BAIAP2L1: variants seen among roughly 807,000 people sequenced by gnomAD.
The protein encoded by BAIAP2L1 is BAR/IMD domain containing adaptor protein 2 like 1, also known as BAR/IMD domain-containing adapter protein 2-like 1.
A neutral mutation model predicts 66.3 loss-of-function variants in BAIAP2L1; 35 were observed. The observed-to-expected ratio is 0.53, with a 90% CI of 0.40 to 0.70. The LOEUF is 0.70. Among genes scored for constraint, BAIAP2L1 ranks in the 30% least tolerant of loss-of-function variants. The probability of loss-of-function intolerance (pLI) is 0.00; values close to 1 mark genes in which losing one functional copy is unlikely to be tolerated. For synonymous variants in BAIAP2L1, 269 were observed against 248.7 expected (o/e 1.08, Z -0.77); for missense variants, 622 against 656.9 (o/e 0.95, Z 0.58).
chr7:98,361,076 G>C (rs893816904), intron 2 of BAIAP2L1, among the ~76,000 whole-genome samples: 10 of 152,126 alleles, frequency 6.6e-5, no homozygotes, highest in African/African-American at 2.4e-4. Context: ...AAGATAAGAG[G>C]CTGGGTGTGG....
intron 12 of BAIAP2L1, among the ~76,000 whole-genome samples, chr7:98,298,470 A>G (rs927895992): frequency 9.9e-5 from 15 of 152,074 alleles, no homozygotes; most frequent in Admixed American, 3.3e-4. Flanking sequence ...AAACTTAGCC[A>G]GGCGTAGTGG....
rs796448526 is a variant in BAIAP2L1 at position 98,353,565 on chromosome 7, TTAA to T, written c.214+1474_214+1476del. On this transcript the variant is annotated intron_variant, in intron 3 of 13. Coordinates refer to ENST00000005260, the MANE Select transcript of BAIAP2L1 (RefSeq NM_018842.5). ...TATTTATATTATAAATATATGTATATTAATATTATAAATACATATATATTTATA... is the reference window on the plus strand; with the variant it reads ...TATTTATATTATAAATATATGTATATTATTATAAATACATATATATTTATA... Among the ~76,000 whole-genome samples the T allele has an allele frequency of 5.0e-4, 69 of 137,600 alleles. No individual in the cohort carries two copies. The East Asian group carries it at 7.6e-3, about 15-fold the overall frequency. The allele number at this position is 137,600 out of a possible 152,430, so 90.3% of individuals were successfully genotyped here.
intron 2 of BAIAP2L1, among the ~76,000 whole-genome samples, chr7:98,358,287 C>T (rs530182807): frequency 6.7e-6 from 1 of 150,120 alleles, no homozygotes; most frequent in East Asian, 1.9e-4. Context: ...CATAATTTTG[C>T]CTCCCTTTTG....
At chr7:98,319,941 T>G in intron 5 of BAIAP2L1, 117 bp downstream of exon 5, 1 of 836,980 alleles carries the variant, frequency 1.2e-6, no homozygotes, top group Non-Finnish European at 1.9e-6. Context: ...CTGGGCATCA[T>G]CAACACGGAG....
At chr7:98,349,375 C>T (rs907850116) in intron 3 of BAIAP2L1, among the ~76,000 whole-genome samples, 28 of 152,162 alleles carry the variant, frequency 1.8e-4, no homozygotes, top group Admixed American at 1.5e-3. Context: ...ACTTCTAAGA[C>T]GGCACAAGAG....
At chr7:98,342,886 G>A (rs916732605) in intron 3 of BAIAP2L1, among the ~76,000 whole-genome samples, 16 of 152,080 alleles carry the variant, frequency 1.1e-4, no homozygotes, top group African/African-American at 3.9e-4. Flanking sequence ...GGAAGTTTAT[G>A]AAAATGTCAG....
At position 98,312,049 on chromosome 7, in the gene BAIAP2L1, A is replaced by G; in HGVS notation, c.807+48T>C. ...ACACAGGCAAATTTGGCCCAGATCA[A>G]GTTAGGAAACACACGATTGAAATCT... On this transcript the variant is annotated intron_variant, in intron 8 of 13. Coordinates refer to ENST00000005260, the MANE Select transcript of BAIAP2L1 (RefSeq NM_018842.5). 3 of 1,540,540 alleles carry G rather than the reference A, an allele frequency of 1.9e-6. No homozygotes were observed. In the South Asian group the frequency reaches 3.8e-5, roughly 20 times the overall value.
chr7:98,388,557 T>C (rs1802950980), intron 1 of BAIAP2L1, among the ~76,000 whole-genome samples: 1 of 152,240 alleles, frequency 6.6e-6, no homozygotes, highest in Admixed American at 6.5e-5. Context: ...GGCATATTGT[T>C]CCTGCATTTA....
intron 6 of BAIAP2L1, among the ~76,000 whole-genome samples, 184 bp downstream of exon 6, chr7:98,317,035 T>C (rs890573192): frequency 6.6e-6 from 1 of 152,128 alleles, no homozygotes; most frequent in African/African-American, 2.4e-5. Flanking sequence ...CTAGTTTTTG[T>C]AGAGGCAAGG....
At chr7:98,316,178 G>A (rs1013262146) in intron 6 of BAIAP2L1, among the ~76,000 whole-genome samples, 7 of 152,162 alleles carry the variant, frequency 4.6e-5, no homozygotes, top group African/African-American at 1.7e-4. Flanking sequence ...TTTGCCTGCT[G>A]CCATCCATGT....
At chr7:98,334,931 C>T (rs189710373) in intron 3 of BAIAP2L1, among the ~76,000 whole-genome samples, 2,444 of 148,456 alleles carry the variant, frequency 0.016, 70 homozygotes, top group African/African-American at 0.057. Context: ...AGGTGGATCA[C>T]GAGATCAGGA....
intron 1 of BAIAP2L1, among the ~76,000 whole-genome samples, chr7:98,367,380 T>G (rs1390270246): frequency 6.6e-6 from 1 of 152,090 alleles, no homozygotes; most frequent in Non-Finnish European, 1.5e-5. Flanking sequence ...ATTTCTTTTT[T>G]CTTTGTTTGA....
Position 98,347,130 on chromosome 7 carries a change from C to A in BAIAP2L1, c.214+7912G>T, listed in dbSNP as rs191781094. Among the ~76,000 whole-genome samples the A allele has an allele frequency of 1.1e-3, 170 of 152,230 alleles. 2 individuals carry two copies. Among genetic ancestry groups the A allele is most frequent in the African/African-American group, 3.9e-3 (164 of 41,542 alleles). ...GATCCAAATTTGGCAAGGAGTATGG[C>A]AATTTGCTAAAGCATAGAAAAGATG... is the stretch of plus-strand genomic sequence containing the variant. On this transcript the variant is annotated intron_variant, in intron 3 of 13. Transcript: ENST00000005260.
In BAIAP2L1 at chr7:98,304,350, G is replaced by C. The variant is rs1428614897; in HGVS notation, c.1268C>G (p.Thr423Ser). Residue 423 changes from threonine to serine, a missense_variant, in exon 12 of 14, where the codon ACC becomes AGC. Physicochemically the swap from Thr to Ser is moderately conservative, Grantham distance 58. Coordinates refer to ENST00000005260, the MANE Select transcript of BAIAP2L1 (RefSeq NM_018842.5). ...ACTGCTATTCTCAGACAAGTTCACG[G>C]TGCTGATGCTTCTCACTGGTGTGGG... ...PSPTPVRSISTVNLSENSSVV... is the reference protein window; with the variant it reads ...PSPTPVRSISSVNLSENSSVV... 1 of 1,613,654 alleles carries C rather than the reference G, an allele frequency of 6.2e-7. No homozygotes were observed. The highest frequency in any genetic ancestry group is 1.3e-5 in the African/African-American group (1 of 75,024).
chr7:98,376,583 G>A (rs1404156916), intron 1 of BAIAP2L1, among the ~76,000 whole-genome samples: 1 of 150,606 alleles, frequency 6.6e-6, no homozygotes, highest in Non-Finnish European at 1.5e-5. Context: ...CACTTTGGGA[G>A]GCCGAGGCAG....
intron 5 of BAIAP2L1, among the ~76,000 whole-genome samples, chr7:98,319,588 C>A (rs1801185413): frequency 6.6e-6 from 1 of 151,036 alleles, no homozygotes; most frequent in South Asian, 2.1e-4. Flanking sequence ...GCTCTGTCGC[C>A]CAGGCTGGAG....
rs1004256888 is a variant in BAIAP2L1, at chr7:98,292,314, C to G, written c.*1207G>C. ...CTGGCTCACTGCAACCTCTGCCTCC[C>G]GGGTTCAAGTGATTCTCCTGCCTCA... On this transcript the variant is annotated 3_prime_UTR_variant, in exon 14 of 14. Transcript: ENST00000005260. 1.5e-5 allele frequency: 5 copies of G among 338,460 alleles called. No individual in the cohort carries two copies. Among genetic ancestry groups the G allele is most frequent in the Non-Finnish European group, 2.2e-5 (4 of 178,256 alleles). 21.0% of individuals were successfully genotyped at this position (338,460 alleles called of 1,614,324 possible).
intron 12 of BAIAP2L1, 47 bp from the exon 13 acceptor site, chr7:98,294,158 TTAA>T: frequency 6.3e-7 from 1 of 1,592,744 alleles, no homozygotes; most frequent in Non-Finnish European, 8.6e-7. Context: ...AATTGGTCTT[TTAA>T]AAATTATTTT....
chr7:98,343,246 A>AC (rs1403965347), intron 3 of BAIAP2L1, among the ~76,000 whole-genome samples: 214 of 85,654 alleles, frequency 2.5e-3, no homozygotes, highest in African/African-American at 9.7e-3. Flanking sequence ...GGAAAAAAAA[A>AC]ATACACACAC....
Sources: gnomAD v4.1 joint callset for allele counts (sites outside exome capture counted in the v4.1 genomes callset) on GRCh38, gnomAD v4.1.1 for gene constraint, MANE v1.5 for transcripts, NCBI Gene and HGNC (gene_info 2026-07-23, HGNC 2026-07-21) for gene names.